ZNF559: variants seen among roughly 807,000 people sequenced by gnomAD.
ZNF559 encodes the protein putative protein product of Nbla00121.
Under a neutral mutation model 14.2 loss-of-function variants are expected in ZNF559, and 17 were observed. The observed-to-expected ratio is 1.20, with a 90% CI of 0.82 to 1.80. The LOEUF is 1.80. Ranked by LOEUF, ZNF559 falls within the 40% of genes most tolerant of loss-of-function variation. The pLI, the probability that ZNF559 is intolerant of heterozygous loss-of-function variation, is 0.00. For synonymous variants in ZNF559, 244 were observed against 212.4 expected (o/e 1.15, Z -1.29); for missense variants, 740 against 629.7 (o/e 1.18, Z -1.88).
At chr19:9,333,657 C>T (rs2067060869) in intron 2 of ZNF559, among the ~76,000 whole-genome samples, 1 of 152,028 alleles carries the variant, frequency 6.6e-6, no homozygotes, top group African/African-American at 2.4e-5. Context: ...CCTACTGCAC[C>T]TCATCCTGGG....
At chr19:9,327,828 C>G (rs554153238) in intron 2 of ZNF559, among the ~76,000 whole-genome samples, 48 of 152,186 alleles carry the variant, frequency 3.2e-4, no homozygotes, top group African/African-American at 1.1e-3. Flanking sequence ...CCAATTTTGA[C>G]CAATGGTAAT....
At position 9,345,354 on chromosome 19, in the gene ZNF559, T is replaced by A. The variant is rs918006877; in HGVS notation, c.*2286T>A. On this transcript the variant is annotated 3_prime_UTR_variant, in exon 7 of 7. Transcript: ENST00000603380. The stretch of plus-strand genomic sequence containing the variant: ...GATCAGATCATATGTTAGTGTACGT[T>A]TAAGTTTTTAAGAGACTGCTAAACC... 1 of 152,234 alleles carries A rather than the reference T, an allele frequency of 6.6e-6. No individual in the cohort carries two copies. The highest frequency in any genetic ancestry group is 1.9e-4 in the East Asian group (1 of 5,198). 9.4% of individuals were successfully genotyped at this position (152,234 alleles called of 1,614,324 possible). A position where few individuals can be genotyped will look rare whatever the true frequency, so the allele number is the denominator to read the frequency against.
intron 2 of ZNF559, chr19:9,333,209 C>T (rs1384392738): frequency 6.6e-6 from 1 of 152,158 alleles, no homozygotes; most frequent in East Asian, 1.9e-4. Context: ...ATCTACCTAC[C>T]TCAGCATGCC....
At chr19:9,326,878 G>A (rs1211552586) in intron 2 of ZNF559, among the ~76,000 whole-genome samples, 1 of 152,178 alleles carries the variant, frequency 6.6e-6, no homozygotes, top group Non-Finnish European at 1.5e-5. Context: ...AACCCAGGTT[G>A]TTCCAAACAT....
chr19:9,324,626 CCCCA>C, intron 1 of ZNF559, 65 bp from the exon 2 acceptor site: 8 of 1,041,256 alleles, frequency 7.7e-6, no homozygotes, highest in Non-Finnish European at 9.4e-6. Context: ...AGACCCCCCC[CCCCA>C]ACCATCTCTA....
rs376687904 is a variant in ZNF559 at position 9,329,613 on chromosome 19, C to T, written c.-120+4833C>T. Among the ~76,000 whole-genome samples the T allele has an allele frequency of 9.2e-5, 14 of 152,288 alleles. No individual in the cohort carries two copies. In the South Asian group the frequency reaches 1.7e-3, roughly 18 times the overall value. On this transcript the variant is annotated intron_variant, in intron 2 of 6. Transcript: ENST00000603380. ...CTTTTTCTAACCCTTGACATTTAGT[C>T]TGTGCCCCTTAAAATTAAAACGAGT...
In ZNF559 at chr19:9,342,379, T is replaced by C. The variant is rs1049230302; in HGVS notation, c.928T>C (p.Ser310Pro). 4.3e-6 allele frequency: 7 copies of C among 1,610,472 alleles called. No homozygotes were observed. In the African/African-American group the frequency reaches 9.4e-5, roughly 22 times the overall value. The change falls in exon 7 of 7, where the codon TCA becomes CCA. Residue 310 changes from serine to proline, a missense_variant. Ser to Pro is a moderately conservative substitution (Grantham distance 74). Coordinates refer to ENST00000603380, the MANE Select transcript of ZNF559 (RefSeq NM_032497.3). ...ATGTGGCAAAGAATTTACTTGTTTC[T>C]CAAAACTCAACATTCACATAAGGGT... ...NECGKEFTCF[S>P]KLNIHIRVHT...
At chr19:9,328,328 ATAC>A (rs1458977548) in intron 2 of ZNF559, among the ~76,000 whole-genome samples, 1 of 138,156 alleles carries the variant, frequency 7.2e-6, no homozygotes, top group Non-Finnish European at 1.6e-5. Flanking sequence ...TGAATTTGAC[ATAC>A]TATTAGGCTT....
chr19:9,324,772 C>G lies in ZNF559; in HGVS notation c.-128C>G. 1.3e-6 allele frequency: 2 copies of G among 1,535,614 alleles called. No individual in the cohort carries two copies. Among genetic ancestry groups the G allele is most frequent in the Non-Finnish European group, 1.7e-6 (2 of 1,146,610 alleles). On this transcript the variant is annotated 5_prime_UTR_variant, in exon 2 of 7. Transcript: ENST00000603380. ...GGCCTCAGCAACCTGACAATTCTGT[C>G]GTGTCCCGGTGAGCACTTCATGCAC...
At position 9,341,116 on chromosome 19, in the gene ZNF559, AT is replaced by A. The variant is rs1329654644; in HGVS notation, c.177del (p.Asn60IlefsTer41). The part of the protein sequence containing the change: ...NLVAVDWESH[I>X]NTKWSAPQQN... ...TCTTATTTCAGATTGGGAGAGTCATATTAATACCAAATGGTCAGCACCTCAG... is the reference window on the plus strand; with the variant it reads ...TCTTATTTCAGATTGGGAGAGTCATATAATACCAAATGGTCAGCACCTCAG... On this transcript the variant is annotated frameshift_variant, in exon 6 of 7. Coordinates refer to ENST00000603380, the MANE Select transcript of ZNF559 (RefSeq NM_032497.3). LOFTEE classifies it high-confidence loss of function. 6.2e-7 allele frequency: 1 copy of A among 1,611,478 alleles called. No homozygotes were observed. Among genetic ancestry groups the A allele is most frequent in the East Asian group, 2.2e-5 (1 of 44,872 alleles).
intron 1 of ZNF559, chr19:9,324,444 G>C (rs535551629): frequency 2.1e-6 from 3 of 1,435,776 alleles, no homozygotes; most frequent in East Asian, 2.5e-5. Context: ...CTGGGGCCTC[G>C]GCCCGGGAGG....
chr19:9,328,175 G>T (rs888563281), intron 2 of ZNF559, among the ~76,000 whole-genome samples: 1 of 151,746 alleles, frequency 6.6e-6, no homozygotes, highest in African/African-American at 2.4e-5. Flanking sequence ...ATTATTTGTT[G>T]TAGCAACATT....
Position 9,344,926 on chromosome 19 carries a change from T to G in ZNF559, c.*1858T>G, listed in dbSNP as rs928889376. 46 of 152,346 alleles carry G rather than the reference T, an allele frequency of 3.0e-4. No homozygotes were observed. The highest frequency in any genetic ancestry group is 1.8e-3 in the Admixed American group (28 of 15,296). The allele number at this position is 152,346 out of a possible 1,614,324, so 9.4% of individuals were successfully genotyped here. On this transcript the variant is annotated 3_prime_UTR_variant, in exon 7 of 7. Coordinates refer to ENST00000603380, the MANE Select transcript of ZNF559 (RefSeq NM_032497.3). ...CTTTAAGTTTGGACACATACACATA[T>G]GTGTACATACACACCATCAAGATAA...
chr19:9,324,695 G>T lies in ZNF559; in HGVS notation c.-205G>T. On this transcript the variant is annotated splice_region_variant and 5_prime_UTR_variant, in exon 2 of 7. Transcript: ENST00000603380. ...CAGCGTTGTGCCTTTTCTCTATAAG[G>T]AACAGCATCTCTGCCTTCCTGTTCA... 6.5e-7 allele frequency: 1 copy of T among 1,531,342 alleles called. No individual in the cohort carries two copies. Among genetic ancestry groups the T allele is most frequent in the South Asian group, 1.2e-5 (1 of 83,932 alleles). 94.9% of individuals were successfully genotyped at this position (1,531,342 alleles called of 1,614,324 possible).
chr19:9,324,277 C>G (rs1405105650), intron 1 of ZNF559, 49 bp downstream of exon 1: 2 of 1,535,846 alleles, frequency 1.3e-6, no homozygotes, highest in Admixed American at 3.9e-5. Context: ...GGTGCAGCCA[C>G]GCGAGAGTAG....
At chr19:9,332,361 A>ATATATG (rs1568360857) in intron 2 of ZNF559, among the ~76,000 whole-genome samples, 1 of 151,864 alleles carries the variant, frequency 6.6e-6, no homozygotes, top group African/African-American at 2.4e-5. Flanking sequence ...GTGTGTATAT[A>ATATATG]TATATATATC....
At chr19:9,338,974 G>A (rs976938832) in intron 4 of ZNF559, among the ~76,000 whole-genome samples, 11 of 152,190 alleles carry the variant, frequency 7.2e-5, no homozygotes, top group Non-Finnish European at 1.3e-4. Context: ...TAGTTGTGCT[G>A]AGATATATTC....
intron 2 of ZNF559, among the ~76,000 whole-genome samples, chr19:9,332,783 GA>G (rs1489070877): frequency 1.3e-5 from 2 of 152,124 alleles, no homozygotes; most frequent in Non-Finnish European, 2.9e-5. Context: ...CCAAGATTGA[GA>G]AAAATCATGG....
rs1442314141 is a variant in ZNF559, at chr19:9,343,163, T to C, written c.*95T>C. ...TTCATAGTGGCAATGTACACAGTCA[T>C]AAGGAATGTGGGAAGCCTTCCTTGG... On this transcript the variant is annotated 3_prime_UTR_variant, in exon 7 of 7. Transcript: ENST00000603380. 6.0e-6 allele frequency: 9 copies of C among 1,510,888 alleles called. No individual in the cohort carries two copies. In the East Asian group the frequency reaches 9.1e-5, roughly 15 times the overall value. The allele number at this position is 1,510,888 out of a possible 1,614,324, so 93.6% of individuals were successfully genotyped here.
Sources: gnomAD v4.1 joint callset for allele counts (sites outside exome capture counted in the v4.1 genomes callset) on GRCh38, gnomAD v4.1.1 for gene constraint, MANE v1.5 for transcripts, NCBI Gene and HGNC (gene_info 2026-07-23, HGNC 2026-07-21) for gene names.